HERC4: variants seen among roughly 807,000 people sequenced by gnomAD.
HERC4 encodes HECT and RLD domain containing E3 ubiquitin protein ligase 4, also known as probable E3 ubiquitin-protein ligase HERC4.
In HERC4, 28 loss-of-function variants were observed where a neutral mutation model predicts 124.3. The ratio of observed to expected loss-of-function variants is 0.23; its 90% CI spans 0.17 to 0.31. The LOEUF (loss-of-function observed/expected upper bound fraction) is 0.31, where lower values mean the gene tolerates loss of function less well. HERC4 is among the 10% of genes least tolerant of loss of function. The pLI, the probability that HERC4 is intolerant of heterozygous loss-of-function variation, is 1.00. For synonymous variants in HERC4, 407 were observed against 421.5 expected (o/e 0.97, Z 0.42); for missense variants, 713 against 1,229.3 (o/e 0.58, Z 6.28).
intron 15 of HERC4, among the ~76,000 whole-genome samples, chr10:67,975,698 T>C (rs575869255): frequency 8.5e-5 from 13 of 152,230 alleles, no homozygotes; most frequent in Non-Finnish European, 1.5e-4. Flanking sequence ...TTGCTTGATC[T>C]TGTGGCTTAG....
intron 16 of HERC4, chr10:67,958,991 A>G: frequency 1.6e-6 from 1 of 621,138 alleles, no homozygotes; most frequent in Non-Finnish European, 2.7e-6. Context: ...AATGATACAT[A>G]TATATCTATT....
intron 9 of HERC4, chr10:68,010,892 T>C (rs2037910986): frequency 1.4e-6 from 2 of 1,412,798 alleles, no homozygotes. Context: ...ATGAAGGGTA[T>C]TTTTTATCCT....
intron 9 of HERC4, chr10:67,994,753 G>A (rs1248889719): frequency 6.6e-6 from 1 of 150,434 alleles, no homozygotes; most frequent in Non-Finnish European, 1.5e-5. Flanking sequence ...TTTTGAGACA[G>A]GTCTCACTCT....
rs776400981 is a variant in HERC4 at position 68,014,011 on chromosome 10, T to C, written c.1069+15A>G. On this transcript the variant is annotated intron_variant, in intron 9 of 24. Coordinates refer to ENST00000373700, the MANE Select transcript of HERC4 (RefSeq NM_015601.4). ...TTCAATATATGAAGGAAAGCTTTAA[T>C]ATGACAGAACTTACCAATATCTGGT... 1.0e-5 allele frequency: 16 copies of C among 1,555,434 alleles called. No individual in the cohort carries two copies. Among genetic ancestry groups the C allele is most frequent in the Non-Finnish European group, 8.7e-7 (1 of 1,152,760 alleles).
intron 19 of HERC4, among the ~76,000 whole-genome samples, chr10:67,949,120 A>G (rs2132240838): frequency 6.7e-6 from 1 of 149,994 alleles, no homozygotes; most frequent in African/African-American, 2.4e-5. Flanking sequence ...ATAAAAATAC[A>G]AAAAATACAA....
At chr10:67,975,532 T>A (rs533883843) in intron 15 of HERC4, among the ~76,000 whole-genome samples, 1 of 152,214 alleles carries the variant, frequency 6.6e-6, no homozygotes, top group East Asian at 1.9e-4. Flanking sequence ...TGTATTTTTG[T>A]AGAGATGGGA....
chr10:68,068,892 G>C (rs114028476), intron 3 of HERC4: 1 of 226,114 alleles, frequency 4.4e-6, no homozygotes, highest in Admixed American at 6.5e-5. Context: ...TGTAAAATGC[G>C]GACCATGATA....
intron 20 of HERC4, 88 bp downstream of exon 20, chr10:67,940,851 A>AT: frequency 1.8e-6 from 2 of 1,131,420 alleles, no homozygotes; most frequent in Admixed American, 2.6e-5. Context: ...AACAAAATAT[A>AT]TTTTTTCATA....
At position 68,040,353 on chromosome 10, in the gene HERC4, G is replaced by A. The variant is rs960893633; in HGVS notation, c.387-2184C>T. 4.2e-6 allele frequency: 4 copies of A among 947,976 alleles called. No individual in the cohort carries two copies. The African/African-American group carries it at 7.1e-5, about 17-fold the overall frequency. 58.7% of individuals were successfully genotyped at this position (947,976 alleles called of 1,614,324 possible). A position where few individuals can be genotyped will look rare whatever the true frequency, so the allele number is the denominator to read the frequency against. ...TATCCCCTTTCATCTTCATATAAAT[G>A]TATTAATACCCTAAAGAATGGGGGA... On this transcript the variant is annotated intron_variant, in intron 4 of 24. Transcript: ENST00000373700.
chr10:67,933,096 T>C (rs1424157255), intron 22 of HERC4, among the ~76,000 whole-genome samples: 1 of 152,172 alleles, frequency 6.6e-6, no homozygotes, highest in Non-Finnish European at 1.5e-5. Flanking sequence ...TTACAAGTTA[T>C]TGAGAATTTA....
At chr10:67,943,730 T>C (rs1171052937) in intron 19 of HERC4, among the ~76,000 whole-genome samples, 1 of 152,196 alleles carries the variant, frequency 6.6e-6, no homozygotes, top group Admixed American at 6.5e-5. Flanking sequence ...CTAGCTTCCC[T>C]TTCCAGGGTC....
intron 3 of HERC4, among the ~76,000 whole-genome samples, chr10:68,047,843 C>G (rs689211): frequency 6.6e-6 from 1 of 151,916 alleles, no homozygotes; most frequent in Non-Finnish European, 1.5e-5. Context: ...AAAAGTAAAT[C>G]TACTCTTACC....
intron 19 of HERC4, among the ~76,000 whole-genome samples, chr10:67,948,858 T>C (rs1444262167): frequency 6.6e-6 from 1 of 151,510 alleles, no homozygotes; most frequent in Non-Finnish European, 1.5e-5. Context: ...GAGGCAGAGG[T>C]TGCAGTGAGC....
intron 4 of HERC4, chr10:68,039,360 G>T: frequency 6.7e-7 from 1 of 1,502,646 alleles, no homozygotes; most frequent in South Asian, 1.3e-5. Context: ...AAAAACGGGG[G>T]ATGGGGAGGT....
chr10:68,037,563 A>T (rs923255887), intron 5 of HERC4, among the ~76,000 whole-genome samples: 4 of 152,210 alleles, frequency 2.6e-5, no homozygotes, highest in Non-Finnish European at 2.9e-5. Flanking sequence ...TAGAAAGTTC[A>T]TCTATGAGAT....
chr10:68,042,056 G>A (rs938114836), intron 4 of HERC4, among the ~76,000 whole-genome samples: 2 of 151,824 alleles, frequency 1.3e-5, no homozygotes, highest in East Asian at 1.9e-4. Flanking sequence ...TCGCTCTGTC[G>A]CTTAGGCTGG....
chr10:68,030,844 A>G (rs952703082), intron 7 of HERC4, among the ~76,000 whole-genome samples: 6 of 152,236 alleles, frequency 3.9e-5, no homozygotes, highest in Admixed American at 6.5e-5. Context: ...AAGTATCCTC[A>G]TATCTATAAA....
At chr10:67,959,180 A>G in intron 16 of HERC4, 4 of 1,533,654 alleles carry the variant, frequency 2.6e-6, no homozygotes, top group South Asian at 1.3e-5. Context: ...GGAAAGAGCA[A>G]TATTAGTGTC....
chr10:67,947,242 G>A (rs1433212026), intron 19 of HERC4, among the ~76,000 whole-genome samples: 1 of 152,134 alleles, frequency 6.6e-6, no homozygotes, highest in Non-Finnish European at 1.5e-5. Context: ...AAAAATACAA[G>A]TCTTGCTTTA....
Sources: gnomAD v4.1 joint callset for allele counts (sites outside exome capture counted in the v4.1 genomes callset) on GRCh38, gnomAD v4.1.1 for gene constraint, MANE v1.5 for transcripts, NCBI Gene and HGNC (gene_info 2026-07-23, HGNC 2026-07-21) for gene names.